GAD2: variants seen among roughly 807,000 people sequenced by gnomAD.
The protein encoded by GAD2 is glutamate decarboxylase 2.
A neutral mutation model predicts 80.1 loss-of-function variants in GAD2; 22 were observed. That is an observed-to-expected ratio of 0.27 (90% CI 0.20 to 0.39). The LOEUF is 0.39. Among genes scored for constraint, GAD2 ranks in the 10% least tolerant of loss-of-function variants. GAD2 has a pLI of 1.00. For synonymous variants in GAD2, 274 were observed against 256.9 expected (o/e 1.07, Z -0.64); for missense variants, 624 against 738.4 (o/e 0.85, Z 1.80).
chr10:26,247,731 A>G (rs148620136), intron 8 of GAD2, among the ~76,000 whole-genome samples: 9,820 of 151,828 alleles, frequency 0.065, 401 homozygotes, highest in Non-Finnish European at 0.09. Context: ...CCCTGTCTCT[A>G]CTAAAAATAC....
intron 8 of GAD2, among the ~76,000 whole-genome samples, chr10:26,254,708 A>G (rs1332315625): frequency 1.3e-5 from 2 of 152,248 alleles, no homozygotes; most frequent in African/African-American, 2.4e-5. Context: ...TTTTTGTGTT[A>G]GAAAGATTAT....
Position 26,219,028 on chromosome 10 carries a change from A to C in GAD2, c.287-15A>C. The C allele has an allele frequency of 6.6e-7, 1 of 1,524,618 alleles. No homozygotes were observed. The highest frequency in any genetic ancestry group is 8.8e-7 in the Non-Finnish European group (1 of 1,134,966). The allele number at this position is 1,524,618 out of a possible 1,614,324, so 94.4% of individuals were successfully genotyped here. A position where few individuals can be genotyped will look rare whatever the true frequency, so the allele number is the denominator to read the frequency against. Reference sequence around the variant, plus strand: ...AAGTAAAATTAAAATGTGGCATTTTAATTTCATTCTTTAGACCTGCTGCCG... The same window carrying C: ...AAGTAAAATTAAAATGTGGCATTTTCATTTCATTCTTTAGACCTGCTGCCG... On this transcript the variant is annotated splice_polypyrimidine_tract_variant and intron_variant, in intron 3 of 15. Transcript: ENST00000376261.
intron 8 of GAD2, among the ~76,000 whole-genome samples, chr10:26,254,453 G>A (rs185682894): frequency 1.4e-4 from 21 of 152,294 alleles, no homozygotes; most frequent in African/African-American, 5.1e-4. Flanking sequence ...CTCACCTCCT[G>A]CTGTGTGACC....
rs746687188 is a variant in GAD2, at chr10:26,273,624, AT to A, written c.1093-4del. On this transcript the variant is annotated splice_polypyrimidine_tract_variant and intron_variant, in intron 10 of 15. Transcript: ENST00000376261. ...AAACTGCTACCATTTTCCTCATATGATTTTTTTTCAGGCAGCTTGGGGTGGG... is the reference window on the plus strand; with the variant it reads ...AAACTGCTACCATTTTCCTCATATGATTTTTTTCAGGCAGCTTGGGGTGGG... The A allele has an allele frequency of 3.1e-6, 5 of 1,610,036 alleles. No individual in the cohort carries two copies. The highest frequency in any genetic ancestry group is 2.2e-5 in the East Asian group (1 of 44,806).
chr10:26,297,912 AT>A (rs1834292543), intron 15 of GAD2, among the ~76,000 whole-genome samples: 2 of 152,240 alleles, frequency 1.3e-5, no homozygotes, highest in Non-Finnish European at 2.9e-5. Flanking sequence ...GTAAACATAT[AT>A]GTAACATACA....
chr10:26,253,273 A>G (rs1284670954), intron 8 of GAD2, among the ~76,000 whole-genome samples: 1 of 152,232 alleles, frequency 6.6e-6, no homozygotes, highest in Non-Finnish European at 1.5e-5. Context: ...AGGTGAATAC[A>G]AGATTTCATA....
intron 15 of GAD2, among the ~76,000 whole-genome samples, chr10:26,297,751 G>C (rs1282750310): frequency 6.6e-6 from 1 of 152,194 alleles, no homozygotes; most frequent in African/African-American, 2.4e-5. Context: ...TCCAGCATGT[G>C]TGGAAGGTGC....
At chr10:26,298,038 C>G (rs1834293735) in intron 15 of GAD2, among the ~76,000 whole-genome samples, 1 of 152,186 alleles carries the variant, frequency 6.6e-6, no homozygotes, top group African/African-American at 2.4e-5. Context: ...CATCTATAAG[C>G]TGCTAAAACT....
chr10:26,256,444 A>G (rs1191463192), intron 8 of GAD2, among the ~76,000 whole-genome samples: 1 of 152,202 alleles, frequency 6.6e-6, no homozygotes, highest in Admixed American at 6.5e-5. Flanking sequence ...TCGTTTCTTC[A>G]GTTGTCCCAA....
At chr10:26,276,802 G>T (rs368960961) in intron 11 of GAD2, among the ~76,000 whole-genome samples, 6 of 152,310 alleles carry the variant, frequency 3.9e-5, no homozygotes, top group East Asian at 1.9e-4. Flanking sequence ...GAAGGTGCTG[G>T]TACAGTTTCT....
intron 8 of GAD2, among the ~76,000 whole-genome samples, chr10:26,260,685 G>A (rs115686625): frequency 0.016 from 2,503 of 152,200 alleles, 53 homozygotes; most frequent in African/African-American, 0.057. Flanking sequence ...CTGTGTCTAT[G>A]CTGAGTTATG....
chr10:26,301,534 A>G lies in GAD2; in HGVS notation c.*573A>G, dbSNP rs1417203543. Reference sequence around the variant, plus strand: ...ATTTTTATTTTATATAGGTTATACAAACTGCGGGGGCAGATATAAAATCTA... The same window carrying G: ...ATTTTTATTTTATATAGGTTATACAGACTGCGGGGGCAGATATAAAATCTA... On this transcript the variant is annotated 3_prime_UTR_variant, in exon 16 of 16. Coordinates refer to ENST00000376261, the MANE Select transcript of GAD2 (RefSeq NM_001134366.2). 6.6e-6 allele frequency: 1 copy of G among 152,108 alleles called. No homozygotes were observed. Among genetic ancestry groups the G allele is most frequent in the Non-Finnish European group, 1.5e-5 (1 of 68,006 alleles). 9.4% of individuals were successfully genotyped at this position (152,108 alleles called of 1,614,324 possible).
At chr10:26,224,851 GT>G (rs1263144859) in intron 6 of GAD2, 200 bp downstream of exon 6, 1 of 540,218 alleles carries the variant, frequency 1.9e-6, no homozygotes, top group Admixed American at 3.5e-5. Context: ...TTGAACATCA[GT>G]TATTTGTGTG....
rs1418682549 is a variant in GAD2, at chr10:26,303,939, G to T, written c.*2978G>T. 6.6e-6 allele frequency: 1 copy of T among 152,032 alleles called. No individual in the cohort carries two copies. The highest frequency in any genetic ancestry group is 1.5e-5 in the Non-Finnish European group (1 of 68,030). 9.4% of individuals were successfully genotyped at this position (152,032 alleles called of 1,614,324 possible). A position where few individuals can be genotyped will look rare whatever the true frequency, so the allele number is the denominator to read the frequency against. On this transcript the variant is annotated 3_prime_UTR_variant, in exon 16 of 16. Transcript: ENST00000376261. ...TCTTTTTCTGTGTGGTAGCTGTATT[G>T]AACTTTGATATTATGAAAACTACAT...
intron 8 of GAD2, among the ~76,000 whole-genome samples, chr10:26,251,255 A>G (rs967323219): frequency 6.6e-6 from 1 of 152,050 alleles, no homozygotes; most frequent in African/African-American, 2.4e-5. Context: ...CATGATTACA[A>G]ACACAAACAC....
chr10:26,229,148 C>T (rs370540311), intron 6 of GAD2, among the ~76,000 whole-genome samples: 2 of 151,030 alleles, frequency 1.3e-5, no homozygotes, highest in African/African-American at 4.9e-5. Context: ...GAGCGGAGAT[C>T]GTGCCACTGC....
chr10:26,226,589 G>C (rs1294024532), intron 6 of GAD2, among the ~76,000 whole-genome samples: 1 of 152,168 alleles, frequency 6.6e-6, no homozygotes, highest in Non-Finnish European at 1.5e-5. Flanking sequence ...CTATTCCCGG[G>C]AGCAACCAGC....
At chr10:26,279,604 C>T (rs184721941) in intron 11 of GAD2, among the ~76,000 whole-genome samples, 4 of 152,178 alleles carry the variant, frequency 2.6e-5, no homozygotes, top group East Asian at 3.9e-4. Flanking sequence ...AAATGAAGAC[C>T]GAGTCAGTTA....
rs1834330291 is a variant in GAD2, at chr10:26,301,595, A to G, written c.*634A>G. Reference sequence around the variant, plus strand: ...TTTTTTCCTTTCTCTTAATGGAGGCACAATAAAACACTTAGCAAAGTTATT... The same window carrying G: ...TTTTTTCCTTTCTCTTAATGGAGGCGCAATAAAACACTTAGCAAAGTTATT... On this transcript the variant is annotated 3_prime_UTR_variant, in exon 16 of 16. Transcript: ENST00000376261. 3 of 152,158 alleles carry G rather than the reference A, an allele frequency of 2.0e-5. No individual in the cohort carries two copies. Among genetic ancestry groups the G allele is most frequent in the Non-Finnish European group, 4.4e-5 (3 of 68,022 alleles). 9.4% of individuals were successfully genotyped at this position (152,158 alleles called of 1,614,324 possible).
Sources: gnomAD v4.1 joint callset for allele counts (sites outside exome capture counted in the v4.1 genomes callset) on GRCh38, gnomAD v4.1.1 for gene constraint, MANE v1.5 for transcripts, NCBI Gene and HGNC (gene_info 2026-07-23, HGNC 2026-07-21) for gene names.